Variants in CSF1R observed in about 807,000 individuals in gnomAD.
The protein encoded by CSF1R is colony stimulating factor 1 receptor.
CSF1R carries 40 observed loss-of-function variants against 110.0 expected under a neutral mutation model. That is an observed-to-expected ratio of 0.36 (90% CI 0.28 to 0.47). The LOEUF is 0.47. Ranked by LOEUF, CSF1R falls within the 20% of genes least tolerant of loss-of-function variation. The pLI is 0.99. For missense variants in CSF1R, 1,052 were observed against 1,253.0 expected (o/e 0.84, Z 2.42); for synonymous variants, 523 against 503.4 (o/e 1.04, Z -0.52).
rs113360139 is a variant in CSF1R at position 150,095,669 on chromosome 5, G to A, written c.-180-9062C>T. Among the ~76,000 whole-genome samples the A allele has an allele frequency of 1.6e-4, 23 of 148,254 alleles. 1 individual carries two copies. The highest frequency in any genetic ancestry group is 5.5e-4 in the African/African-American group (22 of 40,238). On this transcript the variant is annotated intron_variant, in intron 1 of 21. Coordinates refer to the CSF1R transcript ENST00000286301. Reference sequence around the variant, plus strand: ...CCGTAGGAAGGAAATAAAGACACGAGCAGAAATCAATAAAATCCAGAACAA... The same window carrying A: ...CCGTAGGAAGGAAATAAAGACACGAACAGAAATCAATAAAATCCAGAACAA...
intron 1 of CSF1R, among the ~76,000 whole-genome samples, chr5:150,100,407 C>T (rs1759371487): frequency 6.7e-6 from 1 of 149,376 alleles, no homozygotes; most frequent in Non-Finnish European, 1.5e-5. Context: ...ACGCCATTCT[C>T]CTGCCTCAGC....
rs559174773 is a variant in CSF1R, at chr5:150,111,793, G to A, written c.-181+1468C>T. 2.0e-5 allele frequency among the ~76,000 whole-genome samples: 3 copies of A among 152,198 alleles called. No homozygotes were observed. In the South Asian group the frequency reaches 6.2e-4, roughly 32 times the overall value. ...TTTGGTTTGAATGCAAATCAAAATT[G>A]TGAAAATAAAATAAAATTTCAGGAG... is the stretch of plus-strand genomic sequence containing the variant. On this transcript the variant is annotated intron_variant, in intron 1 of 21. Coordinates refer to the CSF1R transcript ENST00000286301.
intron 3 of CSF1R, among the ~76,000 whole-genome samples, chr5:150,079,012 G>A (rs530411470): frequency 1.3e-5 from 2 of 152,340 alleles, no homozygotes; most frequent in African/African-American, 4.8e-5. Context: ...CCAGCAGCCA[G>A]CAAGATGCCT....
chr5:150,081,094 A>C lies in CSF1R; in HGVS notation c.50-70T>G, dbSNP rs796236581. 6.9e-5 allele frequency: 107 copies of C among 1,560,158 alleles called. 1 individual carries two copies. In the African/African-American group the frequency reaches 1.2e-3, roughly 18 times the overall value. On this transcript the variant is annotated intron_variant, in intron 1 of 20. Transcript: ENST00000675795. Reference sequence around the variant, plus strand: ...CGCCCCTTGGGCCGTCCTGACTCTGAGATGGGTGGTAGCTTGGCAGGGATG... The same window carrying C: ...CGCCCCTTGGGCCGTCCTGACTCTGCGATGGGTGGTAGCTTGGCAGGGATG...
rs758482689 is a variant in CSF1R, at chr5:150,077,428, A to G, written c.737T>C (p.Ile246Thr). The G allele has an allele frequency of 6.2e-7, 1 of 1,611,152 alleles. No homozygotes were observed. ...FLQHNNTKLA[I>T]PQQSDFHNNR... Reference sequence around the variant, plus strand: ...ATTATGAAAGTCAGATTGTTGAGGGATTGCGAGCTGCAGCCAGAAGGAATG... The same window carrying G: ...ATTATGAAAGTCAGATTGTTGAGGGGTTGCGAGCTGCAGCCAGAAGGAATG... Residue 246 changes from isoleucine to threonine, a missense_variant, in exon 5 of 21, where the codon ATC becomes ACC. By Grantham distance (89) the Ile-to-Thr change is moderately conservative (BLOSUM62 -1). This residue lies in a region of CSF1R where 693 missense variants were observed against 735.4 expected (regional missense o/e 0.94). Coordinates refer to ENST00000675795, the MANE Select transcript of CSF1R (RefSeq NM_001288705.3).
chr5:150,112,065 G>A (rs1030065810), intron 1 of CSF1R, among the ~76,000 whole-genome samples: 6 of 152,062 alleles, frequency 3.9e-5, no homozygotes, highest in Admixed American at 3.9e-4. Context: ...GTAGCTCTAC[G>A]TTAACCTTTG....
At chr5:150,108,520 A>G (rs1449189089) in intron 1 of CSF1R, among the ~76,000 whole-genome samples, 1 of 152,168 alleles carries the variant, frequency 6.6e-6, no homozygotes, top group African/African-American at 2.4e-5. Flanking sequence ...GCCACTGAAG[A>G]TGTTTGAGCA....
rs762581670 is a variant in CSF1R, at chr5:150,080,802, A to C, written c.272T>G (p.Leu91Arg). 6.2e-7 allele frequency: 1 copy of C among 1,614,068 alleles called. No homozygotes were observed. The highest frequency in any genetic ancestry group is 1.7e-5 in the Admixed American group (1 of 59,998). ...TYRCTEPGDPLGGSAAIHLYV... is the reference protein window; with the variant it reads ...TYRCTEPGDPRGGSAAIHLYV... Reference sequence around the variant, plus strand: ...GAGGTGGATGGCGGCGCTGCCTCCCAGGGGGTCTCCAGGCTCAGTGCAGCG... The same window carrying C: ...GAGGTGGATGGCGGCGCTGCCTCCCCGGGGGTCTCCAGGCTCAGTGCAGCG... The change falls in exon 2 of 21, where the codon CTG becomes CGG. Residue 91 changes from leucine (L) to arginine (R), a missense_variant. By Grantham distance (102) the Leu-to-Arg change is moderately radical. Coordinates refer to ENST00000675795, the MANE Select transcript of CSF1R (RefSeq NM_001288705.3).
chr5:150,069,239 A>G (rs1193097380), intron 9 of CSF1R, among the ~76,000 whole-genome samples: 2 of 152,202 alleles, frequency 1.3e-5, no homozygotes, highest in Non-Finnish European at 2.9e-5. Context: ...AGTGGGTGCC[A>G]GAGCCTGGTT....
intron 1 of CSF1R, among the ~76,000 whole-genome samples, chr5:150,083,009 AAT>A (rs1249831550): frequency 6.6e-6 from 1 of 152,034 alleles, no homozygotes; most frequent in Non-Finnish European, 1.5e-5. Flanking sequence ...GCCTCCAGGA[AAT>A]GTGGTCAGGG....
chr5:150,080,275 T>A lies in CSF1R; in HGVS notation c.369A>T (p.Ala123=), dbSNP rs147673106. The part of the protein sequence containing the change: ...QEVVVFEDQD[A]LLPCLLTDPV... ...GGTCTGTGAGCAGACAGGGCAGTAG[T>A]GCGTCCTGGTCCTCGAACACGACCA... Residue 123 remains alanine, a synonymous_variant, in exon 3 of 21, where the codon GCA becomes GCT. Coordinates refer to ENST00000675795, the MANE Select transcript of CSF1R (RefSeq NM_001288705.3). The A allele has an allele frequency of 6.2e-7, 1 of 1,613,990 alleles. No homozygotes were observed. Among genetic ancestry groups the A allele is most frequent in the South Asian group, 1.1e-5 (1 of 91,076 alleles).
chr5:150,078,413 G>A (rs149733932), intron 3 of CSF1R, among the ~76,000 whole-genome samples, 165 bp from the exon 4 acceptor site: 1 of 152,086 alleles, frequency 6.6e-6, no homozygotes, highest in Non-Finnish European at 1.5e-5. Context: ...CCCACTGCAA[G>A]GCCTGTCCTA....
chr5:150,079,856 T>C (rs552406243), intron 3 of CSF1R, among the ~76,000 whole-genome samples, 196 bp downstream of exon 3: 1 of 152,210 alleles, frequency 6.6e-6, no homozygotes, highest in Non-Finnish European at 1.5e-5. Context: ...TGCTCACATG[T>C]GGTTTGTCTC....
At chr5:150,079,967 C>A (rs1219306539) in intron 3 of CSF1R, 85 bp downstream of exon 3, 2 of 1,500,324 alleles carry the variant, frequency 1.3e-6, no homozygotes, top group East Asian at 4.6e-5. Flanking sequence ...CCCATCACAC[C>A]CAGTCCCCAG....
chr5:150,063,632 C>T (rs1200267732), intron 10 of CSF1R, among the ~76,000 whole-genome samples: 1 of 152,018 alleles, frequency 6.6e-6, no homozygotes, highest in Non-Finnish European at 1.5e-5. Flanking sequence ...TACCACCCAG[C>T]CAGGGGAGGC....
chr5:150,071,959 G>A (rs981556683), intron 6 of CSF1R, among the ~76,000 whole-genome samples: 1 of 152,186 alleles, frequency 6.6e-6, no homozygotes, highest in African/African-American at 2.4e-5. Flanking sequence ...GAGCTAGAAC[G>A]AGAATCCCAA....
chr5:150,070,432 G>C, intron 7 of CSF1R, 24 bp downstream of exon 7: 2 of 1,550,588 alleles, frequency 1.3e-6, no homozygotes, highest in Middle Eastern at 1.7e-4. Flanking sequence ...TCCGCCCCAG[G>C]TGGCGCTCGG....
chr5:150,102,057 T>C (rs1490768969), intron 1 of CSF1R, among the ~76,000 whole-genome samples: 13 of 152,232 alleles, frequency 8.5e-5, no homozygotes, highest in Admixed American at 7.2e-4. Context: ...CTCTAGTTCC[T>C]TCTAATTTTT....
intron 1 of CSF1R, among the ~76,000 whole-genome samples, chr5:150,110,934 A>T (rs1759699244): frequency 6.7e-6 from 1 of 149,828 alleles, no homozygotes; most frequent in Non-Finnish European, 1.5e-5. Flanking sequence ...TTGTCAGATC[A>T]CAGGACCTTA....
Sources: allele counts gnomAD v4.1 joint callset (sites outside exome capture counted in the v4.1 genomes callset), GRCh38; gene constraint gnomAD v4.1.1; regional missense constraint gnomAD v4.1.1; transcripts MANE v1.5; gene names NCBI Gene and HGNC (gene_info 2026-07-23, HGNC 2026-07-21).